Variants in GCN1 observed in about 807,000 individuals in gnomAD.
GCN1 encodes stalled ribosome sensor GCN1.
A neutral mutation model predicts 288.4 loss-of-function variants in GCN1; 90 were observed. The ratio of observed to expected loss-of-function variants is 0.31; its 90% CI spans 0.26 to 0.37. The LOEUF (loss-of-function observed/expected upper bound fraction) is 0.37. GCN1 is among the 10% of genes least tolerant of loss of function. The pLI is 1.00. For missense variants in GCN1, 2,586 were observed against 3,419.9 expected (o/e 0.76, Z 6.08); for synonymous variants, 1,386 against 1,420.2 (o/e 0.98, Z 0.54).
intron 54 of GCN1, 55 bp from the exon 55 acceptor site, chr12:120,131,388 A>C: frequency 1.3e-6 from 2 of 1,578,638 alleles, no homozygotes; most frequent in Admixed American, 3.4e-5. Flanking sequence ...TGTCCCCAGC[A>C]CCCATGAGGC....
At chr12:120,140,600 G>A (rs1038531027) in intron 45 of GCN1, among the ~76,000 whole-genome samples, 6 of 152,152 alleles carry the variant, frequency 3.9e-5, no homozygotes, top group Non-Finnish European at 8.8e-5. Flanking sequence ...GTAAGAGAGC[G>A]ATCATCTCCA....
intron 5 of GCN1, among the ~76,000 whole-genome samples, chr12:120,180,727 G>C (rs546522258): frequency 2.1e-4 from 32 of 151,572 alleles, no homozygotes; most frequent in Admixed American, 1.3e-3. Flanking sequence ...GGTGGCTCAC[G>C]CCTGTAATCC....
chr12:120,184,290 G>A, intron 3 of GCN1, 47 bp from the exon 4 acceptor site: 1 of 1,576,034 alleles, frequency 6.3e-7, no homozygotes, highest in Non-Finnish European at 8.6e-7. Context: ...ACCTCAGGCA[G>A]AGGCAGGGGC....
rs558109511 is a variant in GCN1, at chr12:120,187,896, A to C, written c.121+2402T>G. Reference sequence around the variant, plus strand: ...ACATACCAAAAGAAATGAAAAAAAAAAAAAACAAAAAACTAGAATTTATTG... The same window carrying C: ...ACATACCAAAAGAAATGAAAAAAAACAAAAACAAAAAACTAGAATTTATTG... On this transcript the variant is annotated intron_variant, in intron 2 of 57. Transcript: ENST00000300648. Among the ~76,000 whole-genome samples the C allele has an allele frequency of 5.3e-5, 8 of 152,038 alleles. No individual in the cohort carries two copies. The East Asian group carries it at 1.4e-3, about 26-fold the overall frequency.
chr12:120,176,619 C>G (rs1310775885), intron 9 of GCN1, among the ~76,000 whole-genome samples: 20 of 152,304 alleles, frequency 1.3e-4, no homozygotes, highest in Non-Finnish European at 4.4e-5. Flanking sequence ...AAAGTGAACA[C>G]TTGATATTTT....
At chr12:120,129,124 C>T (rs532510624) in intron 57 of GCN1, 152 bp downstream of exon 57, 30 of 691,734 alleles carry the variant, frequency 4.3e-5, no homozygotes, top group Non-Finnish European at 5.7e-5. Context: ...CCACCGCGCC[C>T]GGCCCCAGTC....
chr12:120,158,379 C>T lies in GCN1; in HGVS notation c.2905+81G>A, dbSNP rs1877819398. 1 of 1,233,318 alleles carries T rather than the reference C, an allele frequency of 8.1e-7. No individual in the cohort carries two copies. Among genetic ancestry groups the T allele is most frequent in the East Asian group, 2.5e-5 (1 of 39,278 alleles). 76.4% of individuals were successfully genotyped at this position (1,233,318 alleles called of 1,614,324 possible). The stretch of plus-strand genomic sequence containing the variant: ...TCCAATCCCCCAGGCTCAGGAGGCC[C>T]TGGGTGACGCTGTGCCTTGAGCAGC... On this transcript the variant is annotated intron_variant, in intron 25 of 57. Coordinates refer to ENST00000300648, the MANE Select transcript of GCN1 (RefSeq NM_006836.2). The surrounding 1 kb of genome is among the most constrained non-coding windows in gnomAD (Gnocchi z 4.3).
chr12:120,158,065 C>A lies in GCN1; in HGVS notation c.2906-35G>T, dbSNP rs755668788. 1.9e-6 allele frequency: 3 copies of A among 1,604,374 alleles called. No individual in the cohort carries two copies. The highest frequency in any genetic ancestry group is 2.2e-5 in the South Asian group (2 of 90,308). ...CGAGAAGCAGATAAGATTCTGCAGGCAGGGCAGGGACCCGGGCCACTGCTG... is the reference window on the plus strand; with the variant it reads ...CGAGAAGCAGATAAGATTCTGCAGGAAGGGCAGGGACCCGGGCCACTGCTG... On this transcript the variant is annotated intron_variant, in intron 25 of 57. Coordinates refer to ENST00000300648, the MANE Select transcript of GCN1 (RefSeq NM_006836.2). This position sits in a 1 kb window ranked among gnomAD's most constrained non-coding sequence, Gnocchi z 4.3.
chr12:120,155,588 T>C lies in GCN1; in HGVS notation c.3440+4A>G. 3.7e-6 allele frequency: 6 copies of C among 1,614,064 alleles called. No homozygotes were observed. The highest frequency in any genetic ancestry group is 5.1e-6 in the Non-Finnish European group (6 of 1,179,938). On this transcript the variant is annotated splice_donor_region_variant and intron_variant, in intron 29 of 57. Coordinates refer to ENST00000300648, the MANE Select transcript of GCN1 (RefSeq NM_006836.2). The surrounding 1 kb of genome is among the most constrained non-coding windows in gnomAD (Gnocchi z 4.9). ...AGGAGAAAGCGACATGCTGGCTCTC[T>C]CACCTCTCAGCCAGCTTCCGGATCT...
In GCN1 at chr12:120,142,218, C is replaced by T. The variant is rs1162345418; in HGVS notation, c.5829+289G>A. Among the ~76,000 whole-genome samples, 2 of 151,880 alleles carry T rather than the reference C, an allele frequency of 1.3e-5. No homozygotes were observed. The highest frequency in any genetic ancestry group is 2.4e-5 in the African/African-American group (1 of 41,320). ...GTGGATGCCTGTAGTCCCAGCTACT[C>T]GGGAGGCTGAGGCAGGAGAATGGCA... On this transcript the variant is annotated intron_variant, in intron 44 of 57. Coordinates refer to ENST00000300648, the MANE Select transcript of GCN1 (RefSeq NM_006836.2). This position sits in a 1 kb window ranked among gnomAD's most constrained non-coding sequence, Gnocchi z 4.9.
chr12:120,186,071 C>T (rs149612546), intron 2 of GCN1, among the ~76,000 whole-genome samples: 1 of 151,988 alleles, frequency 6.6e-6, no homozygotes, highest in Non-Finnish European at 1.5e-5. Context: ...CAGTGGCTCA[C>T]GCCTGTAATC....
rs1877387220 is a variant in GCN1, at chr12:120,147,105, G to A, written c.4894C>T (p.Arg1632Trp). The change falls in exon 38 of 58, where the codon CGG becomes TGG. Residue 1632 changes from arginine to tryptophan, a missense_variant. Arg to Trp is a moderately radical substitution (Grantham distance 101). Transcript: ENST00000300648. ...RAFQDRSTDTRKMAAQIIGNM... is the reference protein window; with the variant it reads ...RAFQDRSTDTWKMAAQIIGNM... ...CCAATAATCTGGGCTGCCATCTTCC[G>A]CGTGTCCGTGGAACGGTCCTGGAAG... 3.1e-6 allele frequency: 5 copies of A among 1,602,234 alleles called. No individual in the cohort carries two copies. The highest frequency in any genetic ancestry group is 1.1e-5 in the South Asian group (1 of 90,106).
chr12:120,180,671 T>C (rs757164081), intron 5 of GCN1, among the ~76,000 whole-genome samples: 4 of 151,396 alleles, frequency 2.6e-5, no homozygotes, highest in Non-Finnish European at 5.9e-5. Context: ...TAGTGAGTCG[T>C]GTGAACTGCC....
chr12:120,141,233 C>G (rs1193672962), intron 44 of GCN1, among the ~76,000 whole-genome samples: 2 of 152,104 alleles, frequency 1.3e-5, no homozygotes, highest in Non-Finnish European at 2.9e-5. Context: ...TCACACACAC[C>G]TACACAACCT....
At chr12:120,132,318 G>C (rs1876854119) in intron 53 of GCN1, among the ~76,000 whole-genome samples, 1 of 152,098 alleles carries the variant, frequency 6.6e-6, no homozygotes, top group South Asian at 2.1e-4. Context: ...TATTTACATA[G>C]CATCTTTCTT....
At chr12:120,147,544 A>G (rs901258850) in intron 37 of GCN1, among the ~76,000 whole-genome samples, 1 of 152,244 alleles carries the variant, frequency 6.6e-6, no homozygotes, top group Non-Finnish European at 1.5e-5. Flanking sequence ...TTTGAAAAGC[A>G]TGTATCCTTA....
intron 12 of GCN1, among the ~76,000 whole-genome samples, chr12:120,174,619 T>C (rs1331548660): frequency 6.6e-6 from 1 of 151,322 alleles, no homozygotes; most frequent in African/African-American, 2.4e-5. Flanking sequence ...TGAAACCCTG[T>C]CTCTACTAAA....
rs902514315 is a variant in GCN1 at position 120,164,735 on chromosome 12, A to G, written c.1613-14T>C. 3.8e-6 allele frequency: 6 copies of G among 1,580,650 alleles called. No homozygotes were observed. Among genetic ancestry groups the G allele is most frequent in the South Asian group, 2.2e-5 (2 of 90,394 alleles). On this transcript the variant is annotated splice_polypyrimidine_tract_variant and intron_variant, in intron 16 of 57. Coordinates refer to ENST00000300648, the MANE Select transcript of GCN1 (RefSeq NM_006836.2). Reference sequence around the variant, plus strand: ...CAGTACACAGGGCTTGGAGGGAAGAAAAGGAATGGAAGTGTTTTTAAAATA... The same window carrying G: ...CAGTACACAGGGCTTGGAGGGAAGAGAAGGAATGGAAGTGTTTTTAAAATA...
At chr12:120,191,150 C>A (rs1020197419) in intron 1 of GCN1, among the ~76,000 whole-genome samples, 3 of 152,186 alleles carry the variant, frequency 2.0e-5, no homozygotes, top group Non-Finnish European at 4.4e-5. Flanking sequence ...GCAAGGGAGG[C>A]ATCAGTATCC....
Sources: gnomAD v4.1 joint callset for allele counts (sites outside exome capture counted in the v4.1 genomes callset) on GRCh38, gnomAD v4.1.1 for gene constraint, Gnocchi (gnomAD v3.1) non-coding constraint, MANE v1.5 for transcripts, NCBI Gene and HGNC (gene_info 2026-07-23, HGNC 2026-07-21) for gene names.